GNAL: variants seen among roughly 807,000 people sequenced by gnomAD.
GNAL encodes the protein G protein subunit alpha L.
Under a neutral mutation model 55.1 loss-of-function variants are expected in GNAL, and 18 were observed. The observed-to-expected ratio is 0.33, with a 90% CI of 0.23 to 0.48. The LOEUF (loss-of-function observed/expected upper bound fraction) is 0.48, where lower values mean the gene tolerates loss of function less well. Among genes scored for constraint, GNAL ranks in the 20% least tolerant of loss-of-function variants. The pLI is 0.99. For missense variants in GNAL, 412 were observed against 614.1 expected, an observed-to-expected ratio of 0.67 and a Z score of 3.48; for synonymous variants, 253 against 237.0, an observed-to-expected ratio of 1.07 and a Z score of -0.62.
chr18:11,884,770 G>T lies in GNAL; in HGVS notation c.*3635G>T. ...CGGGCCCTCCTCACCTGAGACCAAG[G>T]GGGCCCAGCCTTCTCCCTGCACAGC... On this transcript the variant is annotated 3_prime_UTR_variant, in exon 12 of 12. Transcript: ENST00000334049. 7.5e-7 allele frequency: 1 copy of T among 1,328,712 alleles called. No individual in the cohort carries two copies. Among genetic ancestry groups the T allele is most frequent in the Non-Finnish European group, 1.0e-6 (1 of 997,346 alleles). 82.3% of individuals were successfully genotyped at this position (1,328,712 alleles called of 1,614,324 possible).
intron 4 of GNAL, among the ~76,000 whole-genome samples, chr18:11,824,315 T>C (rs1227959332): frequency 6.6e-6 from 1 of 152,102 alleles, no homozygotes; most frequent in Non-Finnish European, 1.5e-5. Context: ...TTTAGAATTA[T>C]GCTGTTAATT....
intron 1 of GNAL, chr18:11,746,144 A>G: frequency 1.8e-6 from 1 of 544,692 alleles, no homozygotes. Flanking sequence ...GACACTATGA[A>G]GTTTTGGATT....
intron 1 of GNAL, among the ~76,000 whole-genome samples, chr18:11,721,692 A>C (rs2032096907): frequency 6.6e-6 from 1 of 151,822 alleles, no homozygotes; most frequent in Non-Finnish European, 1.5e-5. Flanking sequence ...GCCAGCCATC[A>C]TGCCTGGCTA....
At chr18:11,877,824 T>C (rs925794439) in intron 11 of GNAL, among the ~76,000 whole-genome samples, 133 of 152,180 alleles carry the variant, frequency 8.7e-4, no homozygotes, top group African/African-American at 3.1e-3. Flanking sequence ...AAAGTAACAA[T>C]GAGGAGAAAT....
rs775705282 is a variant in GNAL at position 11,864,525 on chromosome 18, G to T, written c.778-8G>T. 5 of 1,492,706 alleles carry T rather than the reference G, an allele frequency of 3.3e-6. No homozygotes were observed. In the Admixed American group the frequency reaches 5.0e-5, roughly 15 times the overall value. 92.5% of individuals were successfully genotyped at this position (1,492,706 alleles called of 1,614,324 possible). Reference sequence around the variant, plus strand: ...TAACTCAGCTTGTTTCCCTCTTCTTGTTCCCAGGACCTCCTCAGATGCAGA... The same window carrying T: ...TAACTCAGCTTGTTTCCCTCTTCTTTTTCCCAGGACCTCCTCAGATGCAGA... On this transcript the variant is annotated splice_polypyrimidine_tract_variant and splice_region_variant and intron_variant, in intron 6 of 11. Coordinates refer to ENST00000334049, the MANE Select transcript of GNAL (RefSeq NM_182978.4).
intron 1 of GNAL, among the ~76,000 whole-genome samples, chr18:11,726,268 C>T (rs2032209270): frequency 6.6e-6 from 1 of 152,194 alleles, no homozygotes; most frequent in South Asian, 2.1e-4. Context: ...CAGAGTTGGC[C>T]TCTGTTAAGA....
At chr18:11,796,600 A>AAAAAAAAC (rs1210327904) in intron 4 of GNAL, among the ~76,000 whole-genome samples, 1 of 149,776 alleles carries the variant, frequency 6.7e-6, no homozygotes, top group African/African-American at 2.5e-5. Flanking sequence ...AAAAAACAAA[A>AAAAAAAAC]CACGCAACCT....
intron 1 of GNAL, among the ~76,000 whole-genome samples, chr18:11,693,895 C>G (rs142770803): frequency 6.8e-6 from 1 of 147,108 alleles, no homozygotes; most frequent in Non-Finnish European, 1.5e-5. Flanking sequence ...CTTTGTCACT[C>G]AGTCAGGAGT....
intron 5 of GNAL, among the ~76,000 whole-genome samples, chr18:11,833,973 G>A (rs965305979): frequency 9.9e-5 from 15 of 152,178 alleles, no homozygotes; most frequent in Non-Finnish European, 2.1e-4. Flanking sequence ...GCCTCCAAAT[G>A]TGAGGCTCCC....
intron 4 of GNAL, among the ~76,000 whole-genome samples, chr18:11,803,244 C>T (rs1598472947): frequency 6.6e-6 from 1 of 152,182 alleles, no homozygotes; most frequent in African/African-American, 2.4e-5. Flanking sequence ...CTCCTTCCTC[C>T]CCACAGCCCC....
At chr18:11,822,125 A>G (rs1598407030) in intron 4 of GNAL, among the ~76,000 whole-genome samples, 1 of 152,212 alleles carries the variant, frequency 6.6e-6, no homozygotes, top group East Asian at 1.9e-4. Flanking sequence ...GGAGAGGCCC[A>G]GGGGCTTAGC....
At chr18:11,849,154 G>A (rs1403078398) in intron 5 of GNAL, among the ~76,000 whole-genome samples, 5 of 152,128 alleles carry the variant, frequency 3.3e-5, no homozygotes, top group South Asian at 2.1e-4. Context: ...ATCATCTATC[G>A]GAGTCTCTCA....
intron 1 of GNAL, among the ~76,000 whole-genome samples, chr18:11,720,314 A>G (rs1350625018): frequency 6.6e-6 from 1 of 152,246 alleles, no homozygotes; most frequent in Non-Finnish European, 1.5e-5. Context: ...AAACAAAAAT[A>G]ATTGTGTACA....
intron 1 of GNAL, among the ~76,000 whole-genome samples, chr18:11,702,462 C>T (rs933885250): frequency 3.3e-5 from 5 of 152,192 alleles, no homozygotes; most frequent in Non-Finnish European, 7.3e-5. Context: ...TAGACTGAGC[C>T]ACAGATCAAT....
chr18:11,752,628 C>T lies in GNAL; in HGVS notation c.377-225C>T. Reference sequence around the variant, plus strand: ...CTCCCGGCCCCAGCGGAGCGCACAGCCAGGAGCGGCGAGCGCCAGGCTGGG... The same window carrying T: ...CTCCCGGCCCCAGCGGAGCGCACAGTCAGGAGCGGCGAGCGCCAGGCTGGG... On this transcript the variant is annotated intron_variant, in intron 1 of 11. Transcript: ENST00000334049. This position sits in a 1 kb window ranked among gnomAD's most constrained non-coding sequence, Gnocchi z 4.5. 5 of 1,506,358 alleles carry T rather than the reference C, an allele frequency of 3.3e-6. No individual in the cohort carries two copies. The highest frequency in any genetic ancestry group is 3.5e-6 in the Non-Finnish European group (4 of 1,137,004). 93.3% of individuals were successfully genotyped at this position (1,506,358 alleles called of 1,614,324 possible).
At chr18:11,846,046 C>A (rs959859351) in intron 5 of GNAL, among the ~76,000 whole-genome samples, 13 of 151,998 alleles carry the variant, frequency 8.6e-5, no homozygotes, top group African/African-American at 3.1e-4. Context: ...ACTGTTAGAT[C>A]ATAGGCCTTA....
At chr18:11,838,923 G>A (rs1217246194) in intron 5 of GNAL, among the ~76,000 whole-genome samples, 2 of 152,314 alleles carry the variant, frequency 1.3e-5, no homozygotes, top group Non-Finnish European at 2.9e-5. Flanking sequence ...TAATTTCTAA[G>A]TTGTTTCCAT....
At chr18:11,715,763 A>G (rs2031947905) in intron 1 of GNAL, among the ~76,000 whole-genome samples, 1 of 152,126 alleles carries the variant, frequency 6.6e-6, no homozygotes, top group Non-Finnish European at 1.5e-5. Flanking sequence ...TACTTTGGCT[A>G]TTTATAATAA....
intron 4 of GNAL, among the ~76,000 whole-genome samples, chr18:11,815,732 A>G (rs1310897329): frequency 1.3e-5 from 2 of 152,254 alleles, no homozygotes; most frequent in Non-Finnish European, 2.9e-5. Context: ...TAAGAAAAAT[A>G]AAATGCGAAT....
Sources: allele counts gnomAD v4.1 joint callset (sites outside exome capture counted in the v4.1 genomes callset), GRCh38; gene constraint gnomAD v4.1.1; non-coding constraint Gnocchi (gnomAD v3.1); transcripts MANE v1.5; gene names NCBI Gene and HGNC (gene_info 2026-07-23, HGNC 2026-07-21).